FGF16: variants seen among roughly 807,000 people sequenced by gnomAD.
The protein encoded by FGF16 is metacarpal 4-5 fusion.
FGF16 carries 2 observed loss-of-function variants against 8.5 expected under a neutral mutation model. That is an observed-to-expected ratio of 0.24 (90% CI 0.10 to 0.75). The LOEUF (loss-of-function observed/expected upper bound fraction) is 0.75, where lower values mean the gene tolerates loss of function less well. Among genes scored for constraint, FGF16 ranks in the 30% least tolerant of loss-of-function variants. The probability of loss-of-function intolerance (pLI) is 0.74; values close to 1 mark genes in which losing one functional copy is unlikely to be tolerated. For synonymous variants in FGF16, 33 were observed against 34.6 expected (o/e 0.95, Z 0.16); for missense variants, 79 against 87.4 (o/e 0.90, Z 0.38).
chrX:77,454,271 GGT>G lies in FGF16; in HGVS notation c.378+12_378+13del. On this transcript the variant is annotated intron_variant, in intron 2 of 2. Transcript: ENST00000439435. Reference sequence around the variant, plus strand: ...GAACTCTATGGGTCGGTAAGTTTAAGGTTTTTTTTTTTTTTTTTTTTTTTTTT... The same window carrying G: ...GAACTCTATGGGTCGGTAAGTTTAAGTTTTTTTTTTTTTTTTTTTTTTTTT... 5.4e-6 allele frequency: 1 copy of G among 184,861 alleles called. No homozygotes were observed. The highest frequency in any genetic ancestry group is 9.7e-6 in the Non-Finnish European group (1 of 103,094). 15.2% of individuals were successfully genotyped at this position (184,861 alleles called of 1,213,427 possible). A position where few individuals can be genotyped will look rare whatever the true frequency, so the allele number is the denominator to read the frequency against.
intron 1 of FGF16, among the ~76,000 whole-genome samples, chrX:77,451,855 G>A (rs1026413632): frequency 6.2e-5 from 7 of 112,113 alleles, no homozygotes; most frequent in Non-Finnish European, 1.1e-4. Flanking sequence ...GTAGACTTGC[G>A]TGTAATTAAA....
intron 1 of FGF16, among the ~76,000 whole-genome samples, 174 bp from the exon 2 acceptor site, chrX:77,453,983 T>C (rs1161830392): frequency 1.8e-5 from 2 of 111,563 alleles, no homozygotes; most frequent in Non-Finnish European, 3.8e-5. Context: ...AGAGACTAAG[T>C]ACCTTCTCTG....
At chrX:77,448,489 T>A (rs911492511) in intron 1 of FGF16, among the ~76,000 whole-genome samples, 4 of 112,217 alleles carry the variant, frequency 3.6e-5, no homozygotes, top group African/African-American at 1.3e-4. Flanking sequence ...TAGGAGACAA[T>A]CCAGGCAGCC....
intron 2 of FGF16, among the ~76,000 whole-genome samples, chrX:77,455,781 A>T (rs1344951924): frequency 3.6e-5 from 4 of 111,822 alleles, no homozygotes; most frequent in African/African-American, 1.3e-4. Flanking sequence ...TTTCAAGGAG[A>T]TCTTTTCTGA....
At chrX:77,450,124 C>G (rs2062552611) in intron 1 of FGF16, among the ~76,000 whole-genome samples, 1 of 112,489 alleles carries the variant, frequency 8.9e-6, no homozygotes, top group Non-Finnish European at 1.9e-5. Flanking sequence ...TAAATTGAAA[C>G]TTTAACATTC....
rs1557027137 is a variant in FGF16, at chrX:77,456,506, T to A, written c.608T>A (p.Leu203His). 1 of 1,210,257 alleles carries A rather than the reference T, an allele frequency of 8.3e-7. No individual in the cohort carries two copies. Among genetic ancestry groups the A allele is most frequent in the South Asian group, 1.8e-5 (1 of 56,896 alleles). Residue 203 changes from leucine (L) to histidine (H), a missense_variant, in exon 3 of 3, where the codon CTC becomes CAC. Physicochemically the swap from Leu to His is moderately conservative, Grantham distance 99. Coordinates refer to ENST00000439435, the MANE Select transcript of FGF16 (RefSeq NM_003868.3). Reference sequence around the variant, plus strand: ...AAGTTGCCCTCCATGTCCAGAGACCTCTTTCACTATAGGTAATGAACCTCT... The same window carrying A: ...AAGTTGCCCTCCATGTCCAGAGACCACTTTCACTATAGGTAATGAACCTCT... ...PSKLPSMSRD[L>H]FHYR is the part of the protein sequence containing the mutation.
chrX:77,454,922 G>A (rs1217307978), intron 2 of FGF16, among the ~76,000 whole-genome samples: 3 of 101,100 alleles, frequency 3.0e-5, no homozygotes, highest in South Asian at 5.2e-4. Context: ...TCAGCCTCCC[G>A]AGTAGCTGGG....
intron 1 of FGF16, among the ~76,000 whole-genome samples, chrX:77,448,638 A>G (rs2062548131): frequency 8.9e-6 from 1 of 111,886 alleles, no homozygotes; most frequent in Admixed American, 9.4e-5. Context: ...TCCCAGTCCC[A>G]GAAACAGTTG....
In FGF16 at chrX:77,451,385, C is replaced by A. The variant is rs150144352; in HGVS notation, c.275-2772C>A. 1.1e-4 allele frequency among the ~76,000 whole-genome samples: 12 copies of A among 112,446 alleles called. No individual in the cohort carries two copies. The East Asian group carries it at 3.1e-3, about 29-fold the overall frequency. ...AGAATGAGGGAACTCAGACTTGAAG[C>A]TCAGGAGTAACCTGCCTGAGCAAAG... is the stretch of plus-strand genomic sequence containing the variant. On this transcript the variant is annotated intron_variant, in intron 1 of 2. Transcript: ENST00000439435.
chrX:77,450,430 G>T (rs183645728), intron 1 of FGF16, among the ~76,000 whole-genome samples: 36 of 112,392 alleles, frequency 3.2e-4, no homozygotes, highest in Admixed American at 5.7e-4. Flanking sequence ...TTCAATCACC[G>T]CCTGGCTGGT....
At chrX:77,449,881 G>C (rs1343319527) in intron 1 of FGF16, among the ~76,000 whole-genome samples, 1 of 112,177 alleles carries the variant, frequency 8.9e-6, no homozygotes, top group Non-Finnish European at 1.9e-5. Flanking sequence ...CACTGGCTAA[G>C]AGCACCTCTG....
Position 77,451,506 on chromosome X carries a change from C to T in FGF16, c.275-2651C>T, listed in dbSNP as rs184571464. On this transcript the variant is annotated intron_variant, in intron 1 of 2. Coordinates refer to ENST00000439435, the MANE Select transcript of FGF16 (RefSeq NM_003868.3). ...TCTAGTTTCCTTTCCATACTGGGCA[C>T]TCTCCTTTGAACATGCTCTGTTTTT... Among the ~76,000 whole-genome samples the T allele has an allele frequency of 8.1e-3, 904 of 111,540 alleles. 5 individuals carry two copies. Among genetic ancestry groups the T allele is most frequent in the Non-Finnish European group, 0.012 (643 of 53,150 alleles).
chrX:77,447,656 C>A lies in FGF16; in HGVS notation c.-19C>A, dbSNP rs2062545237. ...GCCCGCGCGCGCCCAGCACAACCAG[C>A]GCCGCAATCGGCCCAGCCATGGCAG... On this transcript the variant is annotated 5_prime_UTR_variant, in exon 1 of 3. Coordinates refer to ENST00000439435, the MANE Select transcript of FGF16 (RefSeq NM_003868.3). The A allele has an allele frequency of 3.4e-6, 1 of 297,654 alleles. No homozygotes were observed. The highest frequency in any genetic ancestry group is 5.9e-6 in the Non-Finnish European group (1 of 170,155). The allele number at this position is 297,654 out of a possible 1,213,427, so 24.5% of individuals were successfully genotyped here.
At position 77,454,272 on chromosome X, in the gene FGF16, GTTTTTTTTTTTT is replaced by G. The variant is rs782034788; in HGVS notation, c.378+31_378+42del. The G allele has an allele frequency of 7.9e-5, 12 of 151,455 alleles. No homozygotes were observed. The highest frequency in any genetic ancestry group is 1.4e-4 in the Admixed American group (1 of 7,011). The allele number at this position is 151,455 out of a possible 1,213,427, so 12.5% of individuals were successfully genotyped here. A position where few individuals can be genotyped will look rare whatever the true frequency, so the allele number is the denominator to read the frequency against. On this transcript the variant is annotated intron_variant, in intron 2 of 2. Transcript: ENST00000439435. The stretch of plus-strand genomic sequence containing the variant: ...AACTCTATGGGTCGGTAAGTTTAAG[GTTTTTTTTTTTT>G]TTTTTTTTTTTTTTTTTTGGTCAGA...
chrX:77,454,695 T>C (rs1557026979), intron 2 of FGF16, among the ~76,000 whole-genome samples: 1 of 106,333 alleles, frequency 9.4e-6, no homozygotes, highest in Non-Finnish European at 1.9e-5. Context: ...AAGCCCTTTT[T>C]TAGCTGTAAA....
chrX:77,456,619 C>A lies in FGF16; in HGVS notation c.*97C>A. The A allele has an allele frequency of 1.2e-6, 1 of 846,125 alleles. No homozygotes were observed. The allele number at this position is 846,125 out of a possible 1,213,427, so 69.7% of individuals were successfully genotyped here. ...TAGCTTTTCAATCCTTCCTTCCTAT[C>A]ATTTTAGATAACAGAAAAGCACTTA... On this transcript the variant is annotated 3_prime_UTR_variant, in exon 3 of 3. Transcript: ENST00000439435.
At position 77,449,185 on chromosome X, in the gene FGF16, G is replaced by A. The variant is rs1479383763; in HGVS notation, c.274+1237G>A. On this transcript the variant is annotated intron_variant, in intron 1 of 2. Transcript: ENST00000439435. ...AAGGCCAAGCCTAGCAAACAACTTA[G>A]GGGCAGGGTTGGTCTTCCTTGCTGG... 2.7e-5 allele frequency among the ~76,000 whole-genome samples: 3 copies of A among 111,881 alleles called. No individual in the cohort carries two copies. The East Asian group carries it at 8.4e-4, about 31-fold the overall frequency.
At position 77,456,776 on chromosome X, in the gene FGF16, C is replaced by T. The variant is rs1249157299; in HGVS notation, c.*254C>T. ...TTTTTTCTTTACTCATGTTCCTTCC[C>T]CTGAGGTAGCATAACAAAGAATGGG... On this transcript the variant is annotated 3_prime_UTR_variant, in exon 3 of 3. Transcript: ENST00000439435. 3.8e-6 allele frequency: 1 copy of T among 263,060 alleles called. No individual in the cohort carries two copies. The highest frequency in any genetic ancestry group is 2.8e-5 in the African/African-American group (1 of 36,236). 21.7% of individuals were successfully genotyped at this position (263,060 alleles called of 1,213,427 possible).
At chrX:77,452,602 C>A (rs2062560337) in intron 1 of FGF16, among the ~76,000 whole-genome samples, 2 of 112,623 alleles carry the variant, frequency 1.8e-5, no homozygotes, top group South Asian at 7.4e-4. Flanking sequence ...GTTGTGGAAG[C>A]ACATGCCCCC....
Sources: gnomAD v4.1 joint callset for allele counts (sites outside exome capture counted in the v4.1 genomes callset) on GRCh38, gnomAD v4.1.1 for gene constraint, MANE v1.5 for transcripts, NCBI Gene and HGNC (gene_info 2026-07-23, HGNC 2026-07-21) for gene names.